STAC: variants seen among roughly 807,000 people sequenced by gnomAD.
STAC encodes SH3 and cysteine rich domain, also known as SH3 and cysteine-rich domain-containing protein.
A neutral mutation model predicts 48.8 loss-of-function variants in STAC; 43 were observed. The ratio of observed to expected loss-of-function variants is 0.88; its 90% CI spans 0.69 to 1.14. STAC has a LOEUF of 1.14. Ranked by LOEUF, STAC falls within the 50% of genes most tolerant of loss-of-function variation. The pLI is 0.00. For missense variants in STAC, 497 were observed against 504.0 expected (o/e 0.99, Z 0.13); for synonymous variants, 193 against 179.5 (o/e 1.07, Z -0.60).
intron 1 of STAC, among the ~76,000 whole-genome samples, chr3:36,432,698 G>A (rs1198883200): frequency 1.5e-4 from 22 of 147,502 alleles, no homozygotes; most frequent in African/African-American, 2.0e-4. Context: ...GTGAGACTCC[G>A]TCTCAAAAAA....
At position 36,439,638 on chromosome 3, in the gene STAC, T is replaced by C. The variant is rs556474578; in HGVS notation, c.112-3726T>C. ...ATGTCCTTCTAAAATAAAACTCCAG[T>C]CTTACCTCCTGTGTAAGCCTCCCTT... On this transcript the variant is annotated intron_variant, in intron 1 of 10. Coordinates refer to ENST00000273183, the MANE Select transcript of STAC (RefSeq NM_003149.3). 2.0e-5 allele frequency among the ~76,000 whole-genome samples: 3 copies of C among 152,308 alleles called. No individual in the cohort carries two copies. In the South Asian group the frequency reaches 6.2e-4, roughly 32 times the overall value.
chr3:36,483,131 G>A, intron 3 of STAC, 39 bp downstream of exon 3: 2 of 1,490,310 alleles, frequency 1.3e-6, no homozygotes, highest in Middle Eastern at 3.5e-4. Context: ...ACACCTCTCT[G>A]CTAGGGCACT....
chr3:36,421,092 A>G (rs1700438532), intron 1 of STAC, among the ~76,000 whole-genome samples: 1 of 152,136 alleles, frequency 6.6e-6, no homozygotes, highest in Non-Finnish European at 1.5e-5. Context: ...TTTCCTGTCT[A>G]TATGCTTTGA....
At position 36,522,483 on chromosome 3, in the gene STAC, A is replaced by G. The variant is rs554255451; in HGVS notation, c.921-6213A>G. On this transcript the variant is annotated intron_variant, in intron 8 of 10. Transcript: ENST00000273183. ...TTATCCTAACCTTACAGATAAGAAA[A>G]CCCAGGCTTAGATAATTTTTTTGAT... is the stretch of plus-strand genomic sequence containing the variant. 1.1e-4 allele frequency among the ~76,000 whole-genome samples: 16 copies of G among 152,320 alleles called. No homozygotes were observed. In the East Asian group the frequency reaches 3.1e-3, roughly 29 times the overall value.
chr3:36,424,602 A>C (rs919711204), intron 1 of STAC, among the ~76,000 whole-genome samples: 1 of 152,110 alleles, frequency 6.6e-6, no homozygotes, highest in Admixed American at 6.6e-5. Context: ...AATAAAACTA[A>C]CCAGCTTCCT....
intron 6 of STAC, among the ~76,000 whole-genome samples, chr3:36,497,884 T>TA (rs1374143443): frequency 6.6e-6 from 1 of 152,194 alleles, no homozygotes; most frequent in Non-Finnish European, 1.5e-5. Flanking sequence ...TAATGTAGTT[T>TA]AAAGTGGCCC....
intron 1 of STAC, among the ~76,000 whole-genome samples, chr3:36,402,159 C>A (rs1483845259): frequency 1.3e-5 from 2 of 152,082 alleles, no homozygotes; most frequent in Non-Finnish European, 2.9e-5. Flanking sequence ...GTAGGAAAAG[C>A]TCTTACATAT....
At chr3:36,382,783 A>G (rs1218142143) in intron 1 of STAC, among the ~76,000 whole-genome samples, 13 of 152,166 alleles carry the variant, frequency 8.5e-5, no homozygotes, top group Non-Finnish European at 1.5e-5. Context: ...AATTCATTCT[A>G]TTCTAGGAAG....
At chr3:36,493,355 A>C (rs1029666521) in intron 6 of STAC, 126 bp downstream of exon 6, 3 of 807,860 alleles carry the variant, frequency 3.7e-6, no homozygotes, top group Admixed American at 2.3e-5. Flanking sequence ...GCGAGTGTTC[A>C]ATGTTCTGGA....
At chr3:36,449,325 C>A (rs1435053674) in intron 2 of STAC, among the ~76,000 whole-genome samples, 1 of 152,158 alleles carries the variant, frequency 6.6e-6, no homozygotes, top group Non-Finnish European at 1.5e-5. Flanking sequence ...CTAAGGAGTT[C>A]TCTATCAACA....
chr3:36,417,296 C>G (rs1195050409), intron 1 of STAC, among the ~76,000 whole-genome samples: 1 of 152,158 alleles, frequency 6.6e-6, no homozygotes, highest in Non-Finnish European at 1.5e-5. Flanking sequence ...AACCCAAAGG[C>G]CTAGTAGTGT....
intron 5 of STAC, among the ~76,000 whole-genome samples, chr3:36,488,175 C>T (rs1034625939): frequency 1.3e-5 from 2 of 152,150 alleles, no homozygotes; most frequent in Non-Finnish European, 2.9e-5. Flanking sequence ...TCAAATGATC[C>T]TCCTGTCTGA....
chr3:36,522,786 C>T (rs1022401620), intron 8 of STAC, among the ~76,000 whole-genome samples: 1 of 152,100 alleles, frequency 6.6e-6, no homozygotes, highest in African/African-American at 2.4e-5. Context: ...TGGAGGGTGT[C>T]GTGTCTCCTC....
chr3:36,420,043 A>T (rs971207596), intron 1 of STAC, among the ~76,000 whole-genome samples: 3 of 152,208 alleles, frequency 2.0e-5, no homozygotes, highest in African/African-American at 7.2e-5. Flanking sequence ...ACTGAAGACA[A>T]TCTAATTTGT....
chr3:36,466,777 T>C (rs1322530324), intron 2 of STAC, among the ~76,000 whole-genome samples: 3 of 152,148 alleles, frequency 2.0e-5, no homozygotes, highest in East Asian at 3.9e-4. Context: ...AGGTATAGGA[T>C]TGTATCATCA....
intron 10 of STAC, among the ~76,000 whole-genome samples, chr3:36,540,129 G>A (rs1288714725): frequency 6.6e-6 from 1 of 152,128 alleles, no homozygotes; most frequent in Non-Finnish European, 1.5e-5. Context: ...TCCTGGCCTT[G>A]AAGGTGAAGG....
In STAC at chr3:36,505,785, GT is replaced by G; in HGVS notation, c.873del (p.Ala292ProfsTer15). On this transcript the variant is annotated frameshift_variant, in exon 8 of 11. Transcript: ENST00000273183. LOFTEE classifies it high-confidence loss of function. ...AGACCCATTACAGATGAACACCTATGTTGCCTTGTACAAATTTGTACCACAG... is the reference window on the plus strand; with the variant it reads ...AGACCCATTACAGATGAACACCTATGTGCCTTGTACAAATTTGTACCACAG... ...SKDPLQMNTY[V>X]ALYKFVPQEN... 1 of 1,607,686 alleles carries G rather than the reference GT, an allele frequency of 6.2e-7. No individual in the cohort carries two copies. Among genetic ancestry groups the G allele is most frequent in the East Asian group, 2.2e-5 (1 of 44,508 alleles).
At chr3:36,493,310 C>A in intron 6 of STAC, 81 bp downstream of exon 6, 1 of 1,279,774 alleles carries the variant, frequency 7.8e-7, no homozygotes, top group South Asian at 1.2e-5. Context: ...TTCCAGTCCC[C>A]TTGCTTTCTC....
At chr3:36,410,853 G>A (rs987931941) in intron 1 of STAC, among the ~76,000 whole-genome samples, 5 of 152,250 alleles carry the variant, frequency 3.3e-5, no homozygotes, top group African/African-American at 1.2e-4. Context: ...CTGGTGCCTT[G>A]CCATCTGGCC....
Sources: gnomAD v4.1 joint callset for allele counts (sites outside exome capture counted in the v4.1 genomes callset) on GRCh38, gnomAD v4.1.1 for gene constraint, MANE v1.5 for transcripts, NCBI Gene and HGNC (gene_info 2026-07-23, HGNC 2026-07-21) for gene names.